BUB1B: variants seen among roughly 807,000 people sequenced by gnomAD.
BUB1B encodes BUB1 mitotic checkpoint serine/threonine kinase B, also known as mitotic checkpoint serine/threonine-protein kinase BUB1 beta.
Under a neutral mutation model 137.7 loss-of-function variants are expected in BUB1B, and 86 were observed. The ratio of observed to expected loss-of-function variants is 0.62; its 90% CI spans 0.52 to 0.75. The LOEUF (loss-of-function observed/expected upper bound fraction) is 0.75. Among genes scored for constraint, BUB1B ranks in the 30% least tolerant of loss-of-function variants. The pLI, the probability that BUB1B is intolerant of heterozygous loss-of-function variation, is 0.00. For missense variants in BUB1B, 1,130 were observed against 1,236.9 expected, an observed-to-expected ratio of 0.91 and a Z score of 1.30; for synonymous variants, 420 against 417.9, an observed-to-expected ratio of 1.00 and a Z score of -0.06.
intron 8 of BUB1B, among the ~76,000 whole-genome samples, chr15:40,193,083 C>T (rs935643141): frequency 6.6e-6 from 1 of 152,016 alleles, no homozygotes; most frequent in African/African-American, 2.4e-5. Context: ...CTCCTGGGAT[C>T]AAGTGATCTT....
intron 4 of BUB1B, among the ~76,000 whole-genome samples, chr15:40,174,440 G>C (rs1304072871): frequency 5.3e-5 from 8 of 152,170 alleles, no homozygotes; most frequent in Non-Finnish European, 1.2e-4. Flanking sequence ...ATTAAGGGCT[G>C]GCATATCATA....
chr15:40,208,530 C>A, intron 15 of BUB1B, 107 bp from the exon 16 acceptor site: 1 of 1,158,446 alleles, frequency 8.6e-7, no homozygotes, highest in Non-Finnish European at 1.2e-6. Flanking sequence ...AAGAGCAAAA[C>A]TCCATCTCAA....
At chr15:40,210,040 C>T (rs2037691345) in intron 17 of BUB1B, 70 bp from the exon 18 acceptor site, 1 of 1,283,946 alleles carries the variant, frequency 7.8e-7, no homozygotes, top group Non-Finnish European at 1.1e-6. Flanking sequence ...TCCCTTAAAC[C>T]AGGAGGTAAA....
intron 5 of BUB1B, among the ~76,000 whole-genome samples, chr15:40,180,140 C>T (rs746244962): frequency 3.3e-5 from 5 of 151,456 alleles, no homozygotes; most frequent in African/African-American, 1.2e-4. Context: ...AGAGCAGGTC[C>T]GTTGTCAATT....
rs2140885475 is a variant in BUB1B, at chr15:40,176,562, C to T, written c.470C>T (p.Ser157Leu). 1 of 1,614,064 alleles carries T rather than the reference C, an allele frequency of 6.2e-7. No homozygotes were observed. The highest frequency in any genetic ancestry group is 8.5e-7 in the Non-Finnish European group (1 of 1,179,994). The change falls in exon 5 of 23, where the codon TCA becomes TTA. Residue 157 changes from serine to leucine, a missense_variant. Transcript: ENST00000287598. ...GTTTCACTTGCTCAGTTCTATATCT[C>T]ATGGGCAGAAGAATATGAAGCTAGA... Reference protein sequence around the residue: ...IGVSLAQFYISWAEEYEAREN... With the variant: ...IGVSLAQFYILWAEEYEAREN...
intron 1 of BUB1B, among the ~76,000 whole-genome samples, chr15:40,162,750 CTTAGCTCAA>C (rs2037054993): frequency 6.6e-6 from 1 of 151,978 alleles, no homozygotes; most frequent in African/African-American, 2.4e-5. Flanking sequence ...TGGGGGCAGT[CTTAGCTCAA>C]TTTGGGATAT....
intron 5 of BUB1B, among the ~76,000 whole-genome samples, chr15:40,181,842 T>A (rs2037297489): frequency 6.6e-6 from 1 of 152,268 alleles, no homozygotes; most frequent in Non-Finnish European, 1.5e-5. Flanking sequence ...CTGTTGAGAA[T>A]TTCTGTCTCT....
At chr15:40,213,524 G>T (rs1392509111) in intron 20 of BUB1B, 50 bp downstream of exon 20, 1 of 1,605,154 alleles carries the variant, frequency 6.2e-7, no homozygotes, top group Admixed American at 1.7e-5. Context: ...TTAAAACATG[G>T]ATAGTTGCCA....
intron 2 of BUB1B, among the ~76,000 whole-genome samples, chr15:40,165,980 A>G (rs974161580): frequency 1.3e-5 from 2 of 151,786 alleles, no homozygotes; most frequent in South Asian, 4.2e-4. Flanking sequence ...AGCCTCCCAA[A>G]TAGCTGGGAT....
chr15:40,208,506 C>T (rs998773609), intron 15 of BUB1B, 131 bp from the exon 16 acceptor site: 9 of 885,730 alleles, frequency 1.0e-5, no homozygotes, highest in Admixed American at 2.2e-5. Context: ...CAGTTGTGCT[C>T]CAGCCTGGGT....
intron 5 of BUB1B, among the ~76,000 whole-genome samples, chr15:40,181,285 T>G (rs1013275933): frequency 7.2e-5 from 11 of 151,834 alleles, no homozygotes; most frequent in Admixed American, 2.0e-4. Context: ...GAGATGGGGT[T>G]TCTCCATGTT....
At chr15:40,202,104 A>G (rs1227936164) in intron 12 of BUB1B, among the ~76,000 whole-genome samples, 1 of 152,166 alleles carries the variant, frequency 6.6e-6, no homozygotes, top group Non-Finnish European at 1.5e-5. Flanking sequence ...TCTTTTAGAA[A>G]TATATACTGA....
chr15:40,184,335 G>A (rs902391210), intron 6 of BUB1B, among the ~76,000 whole-genome samples: 6 of 150,440 alleles, frequency 4.0e-5, no homozygotes, highest in Non-Finnish European at 8.8e-5. Flanking sequence ...TGAGAGATAG[G>A]TTCTCGCTCT....
At chr15:40,212,997 G>A (rs1347193335) in intron 19 of BUB1B, among the ~76,000 whole-genome samples, 2 of 151,926 alleles carry the variant, frequency 1.3e-5, no homozygotes, top group African/African-American at 2.4e-5. Flanking sequence ...TTTACTCTTC[G>A]GTTTGTTCTT....
At position 40,220,868 on chromosome 15, in the gene BUB1B, C is replaced by A; in HGVS notation, c.*109C>A. On this transcript the variant is annotated 3_prime_UTR_variant, in exon 23 of 23. Coordinates refer to ENST00000287598, the MANE Select transcript of BUB1B (RefSeq NM_001211.6). Reference sequence around the variant, plus strand: ...ATTTAGGACACATTTAGATGCACTACCATTGCTGTTCTACTTTTTGGTACA... The same window carrying A: ...ATTTAGGACACATTTAGATGCACTAACATTGCTGTTCTACTTTTTGGTACA... The A allele has an allele frequency of 8.6e-7, 1 of 1,167,600 alleles. No individual in the cohort carries two copies. Among genetic ancestry groups the A allele is most frequent in the Non-Finnish European group, 1.3e-6 (1 of 786,112 alleles). The allele number at this position is 1,167,600 out of a possible 1,614,324, so 72.3% of individuals were successfully genotyped here.
intron 4 of BUB1B, among the ~76,000 whole-genome samples, chr15:40,175,508 T>C (rs997064766): frequency 3.3e-5 from 5 of 152,196 alleles, no homozygotes; most frequent in African/African-American, 1.2e-4. Flanking sequence ...ATCAAAACTT[T>C]ATAAGATAAT....
chr15:40,176,454 A>T, intron 4 of BUB1B, 23 bp from the exon 5 acceptor site: 1 of 1,611,920 alleles, frequency 6.2e-7, no homozygotes, highest in Non-Finnish European at 8.5e-7. Flanking sequence ...GAAATTGGTT[A>T]ACTGTTAACA....
intron 20 of BUB1B, among the ~76,000 whole-genome samples, chr15:40,216,649 G>A (rs2037796345): frequency 6.8e-6 from 1 of 146,726 alleles, no homozygotes. Context: ...AAAAATGAGA[G>A]CAATTATCAA....
At chr15:40,189,228 C>G (rs564739741) in intron 8 of BUB1B, among the ~76,000 whole-genome samples, 6 of 152,248 alleles carry the variant, frequency 3.9e-5, no homozygotes, top group South Asian at 2.1e-4. Context: ...GGTGCAATCT[C>G]TGCTCACTGC....
Sources: gnomAD v4.1 joint callset for allele counts (sites outside exome capture counted in the v4.1 genomes callset) on GRCh38, gnomAD v4.1.1 for gene constraint, MANE v1.5 for transcripts, NCBI Gene and HGNC (gene_info 2026-07-23, HGNC 2026-07-21) for gene names.